Variants in HES3 observed in about 807,000 individuals in gnomAD.
HES3 encodes the protein hes family bHLH transcription factor 3, also known as transcription factor HES-3.
HES3 carries 6 observed loss-of-function variants against 8.0 expected under a neutral mutation model. That is an observed-to-expected ratio of 0.75 (90% CI 0.41 to 1.49). HES3 has a LOEUF of 1.49. Among genes scored for constraint, HES3 ranks in the 40% most tolerant of loss-of-function variants. The pLI is 0.01. For missense variants in HES3, 266 were observed against 260.9 expected, an observed-to-expected ratio of 1.02 and a Z score of -0.13; for synonymous variants, 121 against 119.4, an observed-to-expected ratio of 1.01 and a Z score of -0.09.
chr1:6,245,299 G>C lies in HES3; in HGVS notation c.353G>C (p.Arg118Pro). 1 of 1,501,602 alleles carries C rather than the reference G, an allele frequency of 6.7e-7. No individual in the cohort carries two copies. The highest frequency in any genetic ancestry group is 8.8e-7 in the Non-Finnish European group (1 of 1,134,016). 93.0% of individuals were successfully genotyped at this position (1,501,602 alleles called of 1,614,324 possible). The change falls in exon 4 of 4, where the codon CGC becomes CCC. Residue 118 changes from arginine (R) to proline (P), a missense_variant. By Grantham distance (103) the Arg-to-Pro change is moderately radical. Transcript: ENST00000377898. ...GGCCAGGAGGCGCCCGCGCTGTTCC[G>C]CCCTTGCACCCCTGCCGTCTGGGCT... ...GLGQEAPALF[R>P]PCTPAVWAPA...
In HES3 at chr1:6,245,162, C is replaced by T. The variant is rs756166828; in HGVS notation, c.216C>T (p.Cys72=). 16 of 1,529,486 alleles carry T rather than the reference C, an allele frequency of 1.0e-5. 1 individual carries two copies. The South Asian group carries it at 1.9e-4, about 18-fold the overall frequency. The allele number at this position is 1,529,486 out of a possible 1,614,324, so 94.7% of individuals were successfully genotyped here. The part of the protein sequence containing the change: ...GAEQPSGFRS[C]LPGVSQLLRR... ...AGCAACCGTCGGGCTTCCGCAGCTG[C>T]CTGCCCGGCGTGAGCCAGCTCCTTC... Residue 72 remains cysteine (C), a synonymous_variant, in exon 4 of 4, where the codon TGC becomes TGT. Coordinates refer to ENST00000377898, the MANE Select transcript of HES3 (RefSeq NM_001024598.4).
chr1:6,245,186 TC>T lies in HES3; in HGVS notation c.241del (p.Arg81GlyfsTer105). 6.6e-7 allele frequency: 1 copy of T among 1,525,996 alleles called. No homozygotes were observed. The highest frequency in any genetic ancestry group is 8.7e-7 in the Non-Finnish European group (1 of 1,143,730). 94.5% of individuals were successfully genotyped at this position (1,525,996 alleles called of 1,614,324 possible). A position where few individuals can be genotyped will look rare whatever the true frequency, so the allele number is the denominator to read the frequency against. On this transcript the variant is annotated frameshift_variant, in exon 4 of 4. Transcript: ENST00000377898. LOFTEE classifies it low-confidence loss of function (END_TRUNC). The stretch of plus-strand genomic sequence containing the variant: ...GCCTGCCCGGCGTGAGCCAGCTCCT[TC>T]GGCGCGGAGATGAGGTCGGCAGCGG... The part of the protein sequence containing the change: ...SCLPGVSQLL[R>X]RGDEVGSGLR...
rs1172830313 is a variant in HES3, at chr1:6,245,149, G to A, written c.203G>A (p.Gly68Asp). ...CCCAGGGGAGCCGAGCAACCGTCGGGCTTCCGCAGCTGCCTGCCCGGCGTG... is the reference window on the plus strand; with the variant it reads ...CCCAGGGGAGCCGAGCAACCGTCGGACTTCCGCAGCTGCCTGCCCGGCGTG... ...PVPRGAEQPS[G>D]FRSCLPGVSQ... The change falls in exon 4 of 4, where the codon GGC (glycine) becomes GAC (aspartate). Residue 68 changes from glycine to aspartate, a missense_variant. Transcript: ENST00000377898. 44 of 1,530,348 alleles carry A rather than the reference G, an allele frequency of 2.9e-5. No homozygotes were observed. The highest frequency in any genetic ancestry group is 3.8e-5 in the Non-Finnish European group (43 of 1,145,544). 94.8% of individuals were successfully genotyped at this position (1,530,348 alleles called of 1,614,324 possible).
chr1:6,245,006 C>CT, intron 3 of HES3, 104 bp from the exon 4 acceptor site: 1 of 324,790 alleles, frequency 3.1e-6, no homozygotes, highest in South Asian at 2.9e-5. Flanking sequence ...TCCTCCCTCC[C>CT]TTCCTCCCCT....
rs1355825138 is a variant in HES3 at position 6,245,275 on chromosome 1, G to T, written c.329G>T (p.Gly110Val). 1.3e-6 allele frequency: 2 copies of T among 1,495,738 alleles called. No individual in the cohort carries two copies. Among genetic ancestry groups the T allele is most frequent in the Admixed American group, 2.2e-5 (1 of 45,504 alleles). The allele number at this position is 1,495,738 out of a possible 1,614,324, so 92.7% of individuals were successfully genotyped here. Residue 110 changes from glycine (G) to valine (V), a missense_variant, in exon 4 of 4, where the codon GGC (glycine) becomes GTC (valine). Gly to Val is a moderately radical substitution (Grantham distance 109). Coordinates refer to ENST00000377898, the MANE Select transcript of HES3 (RefSeq NM_001024598.4). ...AGSTMDSAGL[G>V]QEAPALFRPC... ...AGCACCATGGACAGCGCCGGGTTGGGCCAGGAGGCGCCCGCGCTGTTCCGC... is the reference window on the plus strand; with the variant it reads ...AGCACCATGGACAGCGCCGGGTTGGTCCAGGAGGCGCCCGCGCTGTTCCGC...
In HES3 at chr1:6,244,610, C is replaced by A. The variant is rs1487213426; in HGVS notation, c.144C>A (p.Ser48Arg). The A allele has an allele frequency of 6.2e-7, 1 of 1,613,714 alleles. No individual in the cohort carries two copies. The highest frequency in any genetic ancestry group is 1.7e-5 in the Admixed American group (1 of 59,974). ...AGTTGAGCGTGAAGTACATGAGAAGCCTTCAGAACTCCTTGCAAGGTATAG... is the reference window on the plus strand; with the variant it reads ...AGTTGAGCGTGAAGTACATGAGAAGACTTCAGAACTCCTTGCAAGGTATAG... ...ILELSVKYMRSLQNSLQGLWP... is the reference protein window; with the variant it reads ...ILELSVKYMRRLQNSLQGLWP... The change falls in exon 3 of 4, where the codon AGC (serine) becomes AGA (arginine). Residue 48 changes from serine to arginine, a missense_variant. Ser to Arg is a moderately radical substitution (Grantham distance 110). Transcript: ENST00000377898.
rs1279475087 is a variant in HES3, at chr1:6,245,175, A to G, written c.229A>G (p.Ser77Gly). 2.0e-5 allele frequency: 30 copies of G among 1,531,186 alleles called. No homozygotes were observed. Among genetic ancestry groups the G allele is most frequent in the Non-Finnish European group, 2.5e-5 (29 of 1,145,936 alleles). 94.8% of individuals were successfully genotyped at this position (1,531,186 alleles called of 1,614,324 possible). A position where few individuals can be genotyped will look rare whatever the true frequency, so the allele number is the denominator to read the frequency against. Residue 77 changes from serine to glycine, a missense_variant, in exon 4 of 4, where the codon AGC becomes GGC. Coordinates refer to ENST00000377898, the MANE Select transcript of HES3 (RefSeq NM_001024598.4). ...CTTCCGCAGCTGCCTGCCCGGCGTGAGCCAGCTCCTTCGGCGCGGAGATGA... is the reference window on the plus strand; with the variant it reads ...CTTCCGCAGCTGCCTGCCCGGCGTGGGCCAGCTCCTTCGGCGCGGAGATGA... The part of the protein sequence containing the change: ...SGFRSCLPGV[S>G]QLLRRGDEVG...
Position 6,245,541 on chromosome 1 carries a change from C to T in HES3, c.*34C>T, listed in dbSNP as rs755374447. The T allele has an allele frequency of 6.9e-7, 1 of 1,451,928 alleles. No homozygotes were observed. The highest frequency in any genetic ancestry group is 1.5e-5 in the South Asian group (1 of 68,474). The allele number at this position is 1,451,928 out of a possible 1,614,324, so 89.9% of individuals were successfully genotyped here. A position where few individuals can be genotyped will look rare whatever the true frequency, so the allele number is the denominator to read the frequency against. ...CCTATTTGGTCTCGCGACACAGGGA[C>T]TATTTTCAGCACGCCCACAGTGACT... On this transcript the variant is annotated 3_prime_UTR_variant, in exon 4 of 4. Coordinates refer to ENST00000377898, the MANE Select transcript of HES3 (RefSeq NM_001024598.4).
Position 6,244,570 on chromosome 1 carries a change from A to T in HES3, c.104A>T (p.Lys35Met). The T allele has an allele frequency of 6.2e-7, 1 of 1,613,686 alleles. No homozygotes were observed. ...TAGATCCGGAAGCGCAAATTGGAGA[A>T]GGCCGACATCCTGGAGTTGAGCGTG... ...SHQIRKRKLE[K>M]ADILELSVKY... The change falls in exon 3 of 4, where the codon AAG becomes ATG. Residue 35 changes from lysine (K) to methionine (M), a missense_variant. Coordinates refer to ENST00000377898, the MANE Select transcript of HES3 (RefSeq NM_001024598.4).
At position 6,245,127 on chromosome 1, in the gene HES3, A is replaced by G; in HGVS notation, c.181A>G (p.Arg61Gly). The G allele has an allele frequency of 6.6e-7, 1 of 1,519,402 alleles. No individual in the cohort carries two copies. Among genetic ancestry groups the G allele is most frequent in the Non-Finnish European group, 8.8e-7 (1 of 1,141,876 alleles). The allele number at this position is 1,519,402 out of a possible 1,614,324, so 94.1% of individuals were successfully genotyped here. A position where few individuals can be genotyped will look rare whatever the true frequency, so the allele number is the denominator to read the frequency against. Residue 61 changes from arginine to glycine, a missense_variant, in exon 4 of 4, where the codon AGG becomes GGG. Transcript: ENST00000377898. Reference sequence around the variant, plus strand: ...CCCCACAGGGCTCTGGCCTGTGCCCAGGGGAGCCGAGCAACCGTCGGGCTT... The same window carrying G: ...CCCCACAGGGCTCTGGCCTGTGCCCGGGGGAGCCGAGCAACCGTCGGGCTT... The part of the protein sequence containing the change: ...NSLQGLWPVP[R>G]GAEQPSGFRS...
rs910707204 is a variant in HES3, at chr1:6,244,421, T to C, written c.56T>C (p.Leu19Pro). 1 of 1,486,196 alleles carries C rather than the reference T, an allele frequency of 6.7e-7. No homozygotes were observed. Among genetic ancestry groups the C allele is most frequent in the Middle Eastern group, 1.9e-4 (1 of 5,248 alleles). The allele number at this position is 1,486,196 out of a possible 1,614,324, so 92.1% of individuals were successfully genotyped here. Residue 19 changes from leucine to proline, a missense_variant, in exon 2 of 4, where the codon CTG becomes CCG. By Grantham distance (98) the Leu-to-Pro change is moderately conservative (BLOSUM62 -3). Transcript: ENST00000377898. ...INVSLEQLKS[L>P]LEKHYSHQIR... ...GTGTCACTGGAGCAGCTCAAGTCGCTGCTGGAGAAACACTACTCGCACCAG... is the reference window on the plus strand; with the variant it reads ...GTGTCACTGGAGCAGCTCAAGTCGCCGCTGGAGAAACACTACTCGCACCAG...
At chr1:6,244,270 G>T (rs1011110789) in intron 1 of HES3, 29 bp downstream of exon 1, 9 of 1,168,838 alleles carry the variant, frequency 7.7e-6, no homozygotes, top group Admixed American at 5.1e-5. Context: ...CTAGGGGCAG[G>T]CACCCTTCCC....
chr1:6,245,264 C>A lies in HES3; in HGVS notation c.318C>A (p.Ser106Arg), dbSNP rs1351936519. Residue 106 changes from serine (S) to arginine (R), a missense_variant, in exon 4 of 4, where the codon AGC becomes AGA. Coordinates refer to ENST00000377898, the MANE Select transcript of HES3 (RefSeq NM_001024598.4). ...PESAAGSTMDSAGLGQEAPAL... is the reference protein window; with the variant it reads ...PESAAGSTMDRAGLGQEAPAL... ...GCGCCGCCGGCAGCACCATGGACAGCGCCGGGTTGGGCCAGGAGGCGCCCG... is the reference window on the plus strand; with the variant it reads ...GCGCCGCCGGCAGCACCATGGACAGAGCCGGGTTGGGCCAGGAGGCGCCCG... The A allele has an allele frequency of 1.3e-6, 2 of 1,503,460 alleles. No homozygotes were observed. Among genetic ancestry groups the A allele is most frequent in the East Asian group, 2.7e-5 (1 of 37,652 alleles). 93.1% of individuals were successfully genotyped at this position (1,503,460 alleles called of 1,614,324 possible).
chr1:6,245,264 C>CG lies in HES3; in HGVS notation c.319dup (p.Ala107GlyfsTer78). Reference sequence around the variant, plus strand: ...GCGCCGCCGGCAGCACCATGGACAGCGCCGGGTTGGGCCAGGAGGCGCCCG... The same window carrying CG: ...GCGCCGCCGGCAGCACCATGGACAGCGGCCGGGTTGGGCCAGGAGGCGCCCG... On this transcript the variant is annotated frameshift_variant, in exon 4 of 4. Transcript: ENST00000377898. LOFTEE classifies it low-confidence loss of function (END_TRUNC). 1 of 1,503,460 alleles carries CG rather than the reference C, an allele frequency of 6.7e-7. No homozygotes were observed. The highest frequency in any genetic ancestry group is 8.8e-7 in the Non-Finnish European group (1 of 1,134,202). The allele number at this position is 1,503,460 out of a possible 1,614,324, so 93.1% of individuals were successfully genotyped here.
chr1:6,244,346 T>C lies in HES3; in HGVS notation c.-15-5T>C. On this transcript the variant is annotated splice_region_variant and splice_polypyrimidine_tract_variant and intron_variant, in intron 1 of 3. Coordinates refer to ENST00000377898, the MANE Select transcript of HES3 (RefSeq NM_001024598.4). ...TCCTGCACTCTAAAGGCTGTTCATC[T>C]GCAGATTTCCAAGCCGCTGATGGAG... 6.2e-7 allele frequency: 1 copy of C among 1,612,250 alleles called. No homozygotes were observed. The highest frequency in any genetic ancestry group is 1.8e-4 in the Middle Eastern group (1 of 5,444).
chr1:6,244,904 G>C (rs370121662), intron 3 of HES3, among the ~76,000 whole-genome samples: 1 of 151,872 alleles, frequency 6.6e-6, no homozygotes, highest in Admixed American at 6.5e-5. Flanking sequence ...TCTGGACCCC[G>C]GGGGAGACGT....
At chr1:6,244,776 T>C (rs963517308) in intron 3 of HES3, 147 bp downstream of exon 3, 103 of 756,540 alleles carry the variant, frequency 1.4e-4, no homozygotes, top group Non-Finnish European at 2.2e-4. Context: ...ACAGCAAATA[T>C]AAAGAGGACA....
At chr1:6,244,477 G>GGGGGGGC in intron 2 of HES3, 31 bp downstream of exon 2, 1 of 1,094,498 alleles carries the variant, frequency 9.1e-7, no homozygotes, top group Non-Finnish European at 1.4e-6. Flanking sequence ...GGGTGGGTGG[G>GGGGGGGC]TGATACGATC....
chr1:6,245,451 G>C lies in HES3; in HGVS notation c.505G>C (p.Gly169Arg). 1 of 1,539,514 alleles carries C rather than the reference G, an allele frequency of 6.5e-7. No homozygotes were observed. The highest frequency in any genetic ancestry group is 8.6e-7 in the Non-Finnish European group (1 of 1,156,350). ...GTCGAGTCGCTGCGCCGAGAGTCCC[G>C]GGCTGGGCCTGCGCGTGTGGCGGCC... is the stretch of plus-strand genomic sequence containing the variant. ...PASSRCAESPGLGLRVWRPWG... is the reference protein window; with the variant it reads ...PASSRCAESPRLGLRVWRPWG... The change falls in exon 4 of 4, where the codon GGG (glycine) becomes CGG (arginine). Residue 169 changes from glycine (G) to arginine (R), a missense_variant. Coordinates refer to ENST00000377898, the MANE Select transcript of HES3 (RefSeq NM_001024598.4).
Sources: allele counts gnomAD v4.1 joint callset (sites outside exome capture counted in the v4.1 genomes callset), GRCh38; gene constraint gnomAD v4.1.1; transcripts MANE v1.5; gene names NCBI Gene and HGNC (gene_info 2026-07-23, HGNC 2026-07-21).